PCNT: variants seen among roughly 807,000 people sequenced by gnomAD.
PCNT encodes the protein kendrin.
A neutral mutation model predicts 380.4 loss-of-function variants in PCNT; 319 were observed. The ratio of observed to expected loss-of-function variants is 0.84; its 90% CI spans 0.77 to 0.92. The LOEUF (loss-of-function observed/expected upper bound fraction) is 0.92, where lower values mean the gene tolerates loss of function less well. Among genes scored for constraint, PCNT ranks in the 40% least tolerant of loss-of-function variants. The pLI, the probability that PCNT is intolerant of heterozygous loss-of-function variation, is 0.00. For missense variants in PCNT, 4,400 were observed against 4,255.3 expected (o/e 1.03, Z -0.95); for synonymous variants, 1,845 against 1,735.2 (o/e 1.06, Z -1.57).
At chr21:46,326,280 C>A in intron 1 of PCNT, 97 bp from the exon 2 acceptor site, 1 of 1,140,702 alleles carries the variant, frequency 8.8e-7, no homozygotes. Flanking sequence ...GGTCAGCCCT[C>A]GGGCCTCATG....
chr21:46,346,246 C>T lies in PCNT; in HGVS notation c.720+38C>T, dbSNP rs181902582. On this transcript the variant is annotated intron_variant, in intron 4 of 46. Transcript: ENST00000359568. Reference sequence around the variant, plus strand: ...GGCCTGCACAGGCTCACAGCATGGGCTCTGTTATCCCCACAGGGCACAGTG... The same window carrying T: ...GGCCTGCACAGGCTCACAGCATGGGTTCTGTTATCCCCACAGGGCACAGTG... 1,322 of 1,416,972 alleles carry T rather than the reference C, an allele frequency of 9.3e-4. 13 individuals are homozygous for T. Among genetic ancestry groups the T allele is most frequent in the East Asian group, 8.3e-4 (36 of 43,514 alleles). 87.8% of individuals were successfully genotyped at this position (1,416,972 alleles called of 1,614,324 possible). A position where few individuals can be genotyped will look rare whatever the true frequency, so the allele number is the denominator to read the frequency against.
intron 13 of PCNT, among the ~76,000 whole-genome samples, chr21:46,362,415 G>T (rs536268820): frequency 2.6e-5 from 4 of 152,076 alleles, no homozygotes; most frequent in Non-Finnish European, 5.9e-5. Context: ...GTCTGCTTGT[G>T]GATCTCTCCA....
At chr21:46,399,177 T>G (rs558164406) in intron 24 of PCNT, among the ~76,000 whole-genome samples, 1 of 151,654 alleles carries the variant, frequency 6.6e-6, no homozygotes, top group Non-Finnish European at 1.5e-5. Flanking sequence ...TTCTGTATTA[T>G]AGAGAATGCC....
chr21:46,391,513 C>G, intron 21 of PCNT, 137 bp downstream of exon 21: 1 of 721,114 alleles, frequency 1.4e-6, no homozygotes. Context: ...TCCTGGAACA[C>G]TGGGCATGGG....
In PCNT at chr21:46,397,256, C is replaced by T. The variant is rs373968771; in HGVS notation, c.4217-9C>T. The T allele has an allele frequency of 6.2e-7, 1 of 1,610,844 alleles. No individual in the cohort carries two copies. Among genetic ancestry groups the T allele is most frequent in the African/African-American group, 1.3e-5 (1 of 75,006 alleles). On this transcript the variant is annotated splice_polypyrimidine_tract_variant and intron_variant, in intron 21 of 46. Transcript: ENST00000359568. The stretch of plus-strand genomic sequence containing the variant: ...GGTGTCCCCGTGTCTGTCCTGTTTG[C>T]ATCCTTAGCTCTCCGGAAGGAAGTG...
At chr21:46,382,809 T>C in intron 16 of PCNT, among the ~76,000 whole-genome samples, 1 of 126,672 alleles carries the variant, frequency 7.9e-6, no homozygotes, top group Non-Finnish European at 1.6e-5. Flanking sequence ...ACGGTGTGCA[T>C]TCAGTGGCGG....
Position 46,411,233 on chromosome 21 carries a change from T to C in PCNT, c.5160T>C (p.Thr1720=). The change falls in exon 28 of 47, where the codon ACT becomes ACC. Residue 1720 remains threonine (T), a synonymous_variant. Transcript: ENST00000359568. ...RSSEIEELKA[T]IENLQENQKR... ...CTGAGATTGAAGAGCTGAAAGCCAC[T>C]ATTGAAAATCTGCAAGAGAATCAGA... is the stretch of plus-strand genomic sequence containing the variant. 6.2e-7 allele frequency: 1 copy of C among 1,614,132 alleles called. No individual in the cohort carries two copies. The highest frequency in any genetic ancestry group is 8.5e-7 in the Non-Finnish European group (1 of 1,179,992).
At chr21:46,348,886 A>T in intron 6 of PCNT, 126 bp from the exon 7 acceptor site, 1 of 685,232 alleles carries the variant, frequency 1.5e-6, no homozygotes, top group Middle Eastern at 4.1e-4. Flanking sequence ...TCAGCCTCTC[A>T]AAGTGCTGGG....
chr21:46,402,213 A>G, intron 26 of PCNT, 118 bp from the exon 27 acceptor site: 2 of 698,590 alleles, frequency 2.9e-6, no homozygotes, highest in East Asian at 5.9e-5. Flanking sequence ...CAGGGTAGTA[A>G]TTGCTTTAGG....
chr21:46,364,737 C>G (rs1438571984), intron 14 of PCNT, among the ~76,000 whole-genome samples: 2 of 152,220 alleles, frequency 1.3e-5, no homozygotes, highest in Non-Finnish European at 2.9e-5. Flanking sequence ...CATCTGTCTG[C>G]CCCACCCAGC....
At chr21:46,346,593 G>T in intron 4 of PCNT, 150 bp from the exon 5 acceptor site, 1 of 958,958 alleles carries the variant, frequency 1.0e-6, no homozygotes, top group Non-Finnish European at 1.6e-6. Context: ...GTGGCATCCG[G>T]GCCTCTGTGT....
In PCNT at chr21:46,334,387, C is replaced by G; in HGVS notation, c.268-10C>G. 1 of 1,614,126 alleles carries G rather than the reference C, an allele frequency of 6.2e-7. No individual in the cohort carries two copies. The highest frequency in any genetic ancestry group is 8.5e-7 in the Non-Finnish European group (1 of 1,179,984). The stretch of plus-strand genomic sequence containing the variant: ...CTTTAAATGCTTCTTTCTGGTCCTC[C>G]CCTTCTTAGCCGGAGGACTGTGATG... On this transcript the variant is annotated splice_polypyrimidine_tract_variant and intron_variant, in intron 2 of 46. Transcript: ENST00000359568.
chr21:46,431,945 G>C lies in PCNT; in HGVS notation c.8481G>C (p.Gln2827His). ...AGCAGCAGCTTGAGGCTGAGGCTCA[G>C]AAGCACTGTGAGGCGCTCAGGAGAG... ...HSQQQLEAEA[Q>H]KHCEALRREK... The change falls in exon 38 of 47, where the codon CAG becomes CAC. Residue 2827 changes from glutamine to histidine, a missense_variant. Transcript: ENST00000359568. The C allele has an allele frequency of 6.2e-7, 1 of 1,614,078 alleles. No homozygotes were observed. Among genetic ancestry groups the C allele is most frequent in the Non-Finnish European group, 8.5e-7 (1 of 1,180,040 alleles).
intron 13 of PCNT, among the ~76,000 whole-genome samples, chr21:46,362,398 A>C (rs960551788): frequency 6.6e-6 from 1 of 152,144 alleles, no homozygotes; most frequent in East Asian, 1.9e-4. Flanking sequence ...AGCCCTCTGC[A>C]GGGTCTGTCT....
rs987604914 is a variant in PCNT at position 46,355,774 on chromosome 21, A to G, written c.1936+148A>G. 1.3e-5 allele frequency: 11 copies of G among 820,416 alleles called. No individual in the cohort carries two copies. In the African/African-American group the frequency reaches 1.5e-4, roughly 11 times the overall value. The allele number at this position is 820,416 out of a possible 1,614,324, so 50.8% of individuals were successfully genotyped here. On this transcript the variant is annotated intron_variant, in intron 12 of 46. Transcript: ENST00000359568. ...TCTTCTGGGGCTGACACCTCAACAG[A>G]GTGTGTCCTGATGAGGGTTTGGCGT...
rs1601854836 is a variant in PCNT, at chr21:46,366,600, A to G, written c.2626A>G (p.Lys876Glu). Reference sequence around the variant, plus strand: ...TTGCCGCAGGTTTTTAGAGGAACGTAAAGAGATCACCGAGAAATTCAGTGC... The same window carrying G: ...TTGCCGCAGGTTTTTAGAGGAACGTGAAGAGATCACCGAGAAATTCAGTGC... Reference protein sequence around the residue: ...LARSRFLEERKEITEKFSAEQ... With the variant: ...LARSRFLEEREEITEKFSAEQ... Residue 876 changes from lysine to glutamate, a missense_variant, in exon 15 of 47, where the codon AAA (lysine) becomes GAA (glutamate). By Grantham distance (56) the Lys-to-Glu change is moderately conservative. Transcript: ENST00000359568. The G allele has an allele frequency of 6.2e-7, 1 of 1,614,038 alleles. No homozygotes were observed. The highest frequency in any genetic ancestry group is 8.5e-7 in the Non-Finnish European group (1 of 1,179,950).
intron 6 of PCNT, among the ~76,000 whole-genome samples, chr21:46,347,963 G>A (rs796109187): frequency 1.6e-4 from 24 of 152,338 alleles, no homozygotes; most frequent in African/African-American, 4.6e-4. Context: ...GCAGTGCCCC[G>A]TCATTGCCAG....
chr21:46,343,996 G>A (rs2083986646), intron 3 of PCNT, among the ~76,000 whole-genome samples: 1 of 151,332 alleles, frequency 6.6e-6, no homozygotes, highest in African/African-American at 2.4e-5. Context: ...GAGCTTATTT[G>A]GATCTTCTCT....
intron 13 of PCNT, among the ~76,000 whole-genome samples, chr21:46,359,507 T>G (rs1322495097): frequency 8.3e-6 from 1 of 120,786 alleles, no homozygotes; most frequent in Non-Finnish European, 1.8e-5. Context: ...TTTTTTTTTT[T>G]GAGACAGTGT....
Sources: gnomAD v4.1 joint callset for allele counts (sites outside exome capture counted in the v4.1 genomes callset) on GRCh38, gnomAD v4.1.1 for gene constraint, MANE v1.5 for transcripts, NCBI Gene and HGNC (gene_info 2026-07-23, HGNC 2026-07-21) for gene names.